The following HPSE2 variants were observed in gnomAD, a reference collection of about 807,000 sequenced individuals.
HPSE2 encodes the protein heparanase 2 (inactive), also known as inactive heparanase-2.
In HPSE2, 38 loss-of-function variants were observed where a neutral mutation model predicts 60.5. The ratio of observed to expected loss-of-function variants is 0.63; its 90% confidence interval spans 0.48 to 0.82. HPSE2 has a LOEUF of 0.82. Ranked by LOEUF, HPSE2 falls within the 40% of genes least tolerant of loss-of-function variation. The probability of loss-of-function intolerance (pLI) is 0.00; values close to 1 mark genes in which losing one functional copy is unlikely to be tolerated. For missense variants in HPSE2, 713 were observed against 740.4 expected (o/e 0.96, Z 0.43); for synonymous variants, 295 against 293.2 (o/e 1.01, Z -0.06).
chr10:98,960,735 A>ATTTTTTTTTTTTTTTT (rs1192601127), intron 3 of HPSE2, among the ~76,000 whole-genome samples: 1 of 48,382 alleles, frequency 2.1e-5, no homozygotes, highest in Non-Finnish European at 4.2e-5. Flanking sequence ...TATTTTTTTT[A>ATTTTTTTTTTTTTTTT]TTTTATTTTT....
chr10:98,969,754 T>C (rs1420957871), intron 3 of HPSE2, among the ~76,000 whole-genome samples: 1 of 152,148 alleles, frequency 6.6e-6, no homozygotes, highest in East Asian at 1.9e-4. Flanking sequence ...CTTGCATTGC[T>C]ATGAAGAAAT....
chr10:98,617,093 C>T lies in HPSE2; in HGVS notation c.1206-2075G>A, dbSNP rs548596382. ...ACTTTCCATCCCTATGCTTGTCAAA[C>T]GAAGGAAGAAACAAAACAATGAAGA... On this transcript the variant is annotated intron_variant, in intron 8 of 11. Coordinates refer to ENST00000370552, the MANE Select transcript of HPSE2 (RefSeq NM_021828.5). 1.8e-4 allele frequency among the ~76,000 whole-genome samples: 27 copies of T among 152,250 alleles called. No individual in the cohort carries two copies. In the East Asian group the frequency reaches 3.9e-3, roughly 22 times the overall value.
At chr10:99,300,588 G>A in the HPSE2 span, among the ~76,000 whole-genome samples, 1 of 152,158 alleles carries the variant, frequency 6.6e-6, no homozygotes, top group African/African-American at 2.4e-5. Flanking sequence ...CCTCTCATGG[G>A]GAGACACTTA....
At chr10:98,986,678 C>G (rs1956363035) in intron 3 of HPSE2, among the ~76,000 whole-genome samples, 1 of 111,352 alleles carries the variant, frequency 9.0e-6, no homozygotes, top group Non-Finnish European at 2.3e-5. Flanking sequence ...CACAAAAAAC[C>G]CTTCAAAAAA....
intron 3 of HPSE2, among the ~76,000 whole-genome samples, chr10:99,119,059 AAG>A (rs1176674599): frequency 6.9e-6 from 1 of 144,482 alleles, no homozygotes; most frequent in East Asian, 2.2e-4. Context: ...GAAAGAAAGA[AAG>A]AGAGAGAAAG....
intron 3 of HPSE2, among the ~76,000 whole-genome samples, chr10:99,029,732 G>A (rs535565908): frequency 4.6e-5 from 7 of 152,304 alleles, no homozygotes; most frequent in East Asian, 3.9e-4. Flanking sequence ...ACATGAAGGC[G>A]GACTAGGAGT....
At chr10:98,671,326 T>C (rs1414059753) in intron 6 of HPSE2, among the ~76,000 whole-genome samples, 2 of 152,186 alleles carry the variant, frequency 1.3e-5, no homozygotes, top group Non-Finnish European at 2.9e-5. Flanking sequence ...CCAAGTCAAA[T>C]GGTCTCTTTA....
chr10:98,780,638 C>A (rs1360606965), intron 3 of HPSE2, among the ~76,000 whole-genome samples: 1 of 151,902 alleles, frequency 6.6e-6, no homozygotes, highest in Admixed American at 6.6e-5. Flanking sequence ...AATACCATAG[C>A]CACAAAATAG....
At chr10:98,543,430 A>C (rs537401978) in intron 9 of HPSE2, among the ~76,000 whole-genome samples, 1 of 152,302 alleles carries the variant, frequency 6.6e-6, no homozygotes, top group Non-Finnish European at 1.5e-5. Context: ...CTAACGAGCA[A>C]AATAACCAGC....
intron 9 of HPSE2, among the ~76,000 whole-genome samples, chr10:98,563,534 C>T (rs553532214): frequency 6.6e-6 from 1 of 152,180 alleles, no homozygotes; most frequent in South Asian, 2.1e-4. Flanking sequence ...GCATTGTATC[C>T]TTTAAATGGG....
At chr10:99,041,186 C>A (rs556772240) in intron 3 of HPSE2, among the ~76,000 whole-genome samples, 1 of 152,090 alleles carries the variant, frequency 6.6e-6, no homozygotes, top group Non-Finnish European at 1.5e-5. Context: ...TCCAAGATGG[C>A]TTACTAGAAG....
chr10:99,243,902 C>G, the HPSE2 span, among the ~76,000 whole-genome samples: 2 of 152,110 alleles, frequency 1.3e-5, no homozygotes, highest in Non-Finnish European at 2.9e-5. Context: ...CCCCACTGCA[C>G]TCCAGCTTGG....
intron 3 of HPSE2, among the ~76,000 whole-genome samples, chr10:99,119,009 A>AAAAG (rs745714700): frequency 6.6e-6 from 1 of 151,222 alleles, no homozygotes; most frequent in Non-Finnish European, 1.5e-5. Context: ...GAACAAAATG[A>AAAAG]AAAGAAAGAA....
At chr10:99,135,424 C>A (rs1430024141) in intron 3 of HPSE2, among the ~76,000 whole-genome samples, 1 of 152,188 alleles carries the variant, frequency 6.6e-6, no homozygotes, top group Non-Finnish European at 1.5e-5. Context: ...AGCACCACAT[C>A]ACACTTATTC....
At chr10:99,090,500 A>G (rs536335038) in intron 3 of HPSE2, among the ~76,000 whole-genome samples, 20 of 152,228 alleles carry the variant, frequency 1.3e-4, no homozygotes, top group South Asian at 6.2e-4. Context: ...CCTTGTGAAA[A>G]TATAAATATA....
At chr10:98,906,109 G>A (rs7073636) in intron 3 of HPSE2, among the ~76,000 whole-genome samples, 23,330 of 152,090 alleles carry the variant, frequency 0.15, 2,703 homozygotes, top group African/African-American at 0.32. Flanking sequence ...AATCTGAAAG[G>A]CCATCCCAGC....
At chr10:99,234,245 C>G (rs983721348) in intron 1 of HPSE2, among the ~76,000 whole-genome samples, 5 of 152,180 alleles carry the variant, frequency 3.3e-5, no homozygotes, top group African/African-American at 9.6e-5. Context: ...CTCAGTCCTC[C>G]GGCTACCTTT....
At position 98,484,073 on chromosome 10, in the gene HPSE2, G is replaced by C. The variant is rs1370745533; in HGVS notation, c.1467-1291C>G. 2.0e-5 allele frequency among the ~76,000 whole-genome samples: 3 copies of C among 152,034 alleles called. No individual in the cohort carries two copies. The East Asian group carries it at 5.8e-4, about 29-fold the overall frequency. On this transcript the variant is annotated intron_variant, in intron 10 of 11. Transcript: ENST00000370552. ...GAGGTGAAAATGGGATTTCAATGTT[G>C]TATTAATTTGTATTTTTAAAAATTA...
chr10:99,285,643 G>C, the HPSE2 span, among the ~76,000 whole-genome samples: 1 of 151,940 alleles, frequency 6.6e-6, no homozygotes, highest in Non-Finnish European at 1.5e-5. Flanking sequence ...ATATATAAAT[G>C]AGGCTGGGTG....
Sources: allele counts gnomAD v4.1 joint callset (sites outside exome capture counted in the v4.1 genomes callset), GRCh38; gene constraint gnomAD v4.1.1; transcripts MANE v1.5; gene names NCBI Gene and HGNC (gene_info 2026-07-23, HGNC 2026-07-21).